The following ADK variants were observed in gnomAD, a reference collection of about 807,000 sequenced individuals.
ADK encodes the protein adenosine kinase, also known as N6,N6-dimethyladenosine kinase.
In ADK, 24 loss-of-function variants were observed where a neutral mutation model predicts 44.7. The ratio of observed to expected loss-of-function variants is 0.54; its 90% CI spans 0.39 to 0.76. The LOEUF is 0.76. Ranked by LOEUF, ADK falls within the 30% of genes least tolerant of loss-of-function variation. The pLI is 0.00. For synonymous variants in ADK, 128 were observed against 142.6 expected, an observed-to-expected ratio of 0.90 and a Z score of 0.73; for missense variants, 321 against 425.1, an observed-to-expected ratio of 0.76 and a Z score of 2.15.
intron 4 of ADK, among the ~76,000 whole-genome samples, chr10:74,325,012 T>G (rs1840957604): frequency 6.6e-6 from 1 of 152,234 alleles, no homozygotes; most frequent in South Asian, 2.1e-4. Context: ...TTTTAGAATT[T>G]TTTTTCTATT....
chr10:74,176,832 T>C, intron 1 of ADK: 1 of 1,605,472 alleles, frequency 6.2e-7, no homozygotes. Flanking sequence ...ACGTAGAGCA[T>C]CGGACGCGGG....
At chr10:74,385,436 T>C (rs575932207) in intron 4 of ADK, among the ~76,000 whole-genome samples, 1 of 152,088 alleles carries the variant, frequency 6.6e-6, no homozygotes, top group Admixed American at 6.5e-5. Context: ...AGAAAGTATA[T>C]ACGGTAAGAA....
chr10:74,313,331 G>A, intron 3 of ADK, among the ~76,000 whole-genome samples: 1 of 150,850 alleles, frequency 6.6e-6, no homozygotes, highest in East Asian at 1.9e-4. Flanking sequence ...TGTTTTTTTT[G>A]GGGGGGAGAG....
chr10:74,472,830 C>G (rs1185822072), intron 6 of ADK, among the ~76,000 whole-genome samples: 4 of 152,100 alleles, frequency 2.6e-5, no homozygotes, highest in Admixed American at 2.0e-4. Context: ...TTTCCATACT[C>G]TATTTTGTCT....
intron 3 of ADK, among the ~76,000 whole-genome samples, chr10:74,226,844 G>A (rs909751465): frequency 1.3e-5 from 2 of 152,032 alleles, no homozygotes; most frequent in African/African-American, 4.8e-5. Flanking sequence ...ATTGCCACTT[G>A]TTTGATTTGT....
chr10:74,232,532 CA>C (rs1844804644), intron 3 of ADK, among the ~76,000 whole-genome samples: 1 of 122,254 alleles, frequency 8.2e-6, no homozygotes, highest in Admixed American at 8.2e-5. Context: ...AAAAAACAAA[CA>C]AACAACCCCC....
At chr10:74,677,870 G>C (rs1487231299) in intron 10 of ADK, among the ~76,000 whole-genome samples, 1 of 138,190 alleles carries the variant, frequency 7.2e-6, no homozygotes, top group African/African-American at 2.7e-5. Context: ...GCTCACACCT[G>C]TAATCCCAAC....
chr10:74,267,637 G>A (rs1443049853), intron 3 of ADK, among the ~76,000 whole-genome samples: 1 of 152,050 alleles, frequency 6.6e-6, no homozygotes, highest in South Asian at 2.1e-4. Context: ...AAAGATGTTG[G>A]TATGGCTGAT....
At chr10:74,457,338 A>T (rs907684221) in intron 6 of ADK, among the ~76,000 whole-genome samples, 6 of 152,226 alleles carry the variant, frequency 3.9e-5, no homozygotes, top group African/African-American at 1.4e-4. Flanking sequence ...GCAGTAATTA[A>T]TAGCCTACCA....
chr10:74,569,007 ATGAG>A (rs1264475537), intron 7 of ADK, among the ~76,000 whole-genome samples: 1 of 142,274 alleles, frequency 7.0e-6, no homozygotes, highest in African/African-American at 2.6e-5. Flanking sequence ...ATTCCCACCT[ATGAG>A]TGAGAACATG....
intron 3 of ADK, among the ~76,000 whole-genome samples, chr10:74,306,067 C>T (rs994671394): frequency 6.6e-5 from 10 of 151,694 alleles, no homozygotes; most frequent in African/African-American, 2.4e-4. Flanking sequence ...CACCGCACTT[C>T]TTTTCTTCTG....
chr10:74,577,344 A>G (rs1297127813), intron 7 of ADK, among the ~76,000 whole-genome samples: 22 of 152,166 alleles, frequency 1.4e-4, no homozygotes, highest in Non-Finnish European at 1.5e-5. Context: ...TTTCTAAGAC[A>G]GCCACATTAC....
intron 6 of ADK, among the ~76,000 whole-genome samples, chr10:74,425,655 C>T (rs1844767332): frequency 6.6e-6 from 1 of 152,176 alleles, no homozygotes; most frequent in Non-Finnish European, 1.5e-5. Flanking sequence ...TGTATCACTG[C>T]CAGTTCTGTA....
intron 1 of ADK, among the ~76,000 whole-genome samples, chr10:74,167,988 G>A (rs1389797473): frequency 6.6e-6 from 1 of 152,106 alleles, no homozygotes. Flanking sequence ...GGAATACTGA[G>A]GGTTTTATGC....
intron 6 of ADK, among the ~76,000 whole-genome samples, chr10:74,435,024 T>C (rs1249763399): frequency 6.6e-6 from 1 of 152,160 alleles, no homozygotes; most frequent in Non-Finnish European, 1.5e-5. Flanking sequence ...GGCCTTCACC[T>C]CAGAGAGTTT....
At chr10:74,616,015 A>C (rs929894612) in intron 9 of ADK, among the ~76,000 whole-genome samples, 1 of 152,168 alleles carries the variant, frequency 6.6e-6, no homozygotes, top group Admixed American at 6.5e-5. Flanking sequence ...GGCCTTGCTT[A>C]CTGGCATTTG....
At position 74,535,949 on chromosome 10, in the gene ADK, T is replaced by C. The variant is rs182425682; in HGVS notation, c.726+10523T>C. 5.7e-3 allele frequency among the ~76,000 whole-genome samples: 866 copies of C among 152,228 alleles called. 5 individuals carry two copies. The highest frequency in any genetic ancestry group is 0.02 in the African/African-American group (820 of 41,544). ...ATATATTAAAATAAAATGTTTAGAT[T>C]ATGAAAGCTATTTTTTGTTCCCTTA... is the stretch of plus-strand genomic sequence containing the variant. On this transcript the variant is annotated intron_variant, in intron 7 of 10. Transcript: ENST00000539909.
At chr10:74,484,256 A>T (rs960208984) in intron 6 of ADK, among the ~76,000 whole-genome samples, 7 of 152,134 alleles carry the variant, frequency 4.6e-5, no homozygotes, top group African/African-American at 1.7e-4. Flanking sequence ...AGCAGAAGGA[A>T]GAGAGACAAG....
chr10:74,166,871 A>G (rs1408596829), intron 1 of ADK, among the ~76,000 whole-genome samples: 2 of 152,208 alleles, frequency 1.3e-5, no homozygotes, highest in South Asian at 2.1e-4. Context: ...ATTGGCTTTT[A>G]GCATGGTGCA....
Sources: allele counts gnomAD v4.1 joint callset (sites outside exome capture counted in the v4.1 genomes callset), GRCh38; gene constraint gnomAD v4.1.1; transcripts MANE v1.5; gene names NCBI Gene and HGNC (gene_info 2026-07-23, HGNC 2026-07-21).